Variants in TRIM27 observed in about 807,000 individuals in gnomAD.
The protein encoded by TRIM27 is tripartite motif containing 27.
A neutral mutation model predicts 57.6 loss-of-function variants in TRIM27; 12 were observed. The ratio of observed to expected loss-of-function variants is 0.21; its 90% CI spans 0.13 to 0.34. The LOEUF (loss-of-function observed/expected upper bound fraction) is 0.34, where lower values mean the gene tolerates loss of function less well. TRIM27 is among the 10% of genes least tolerant of loss of function. The probability of loss-of-function intolerance (pLI) is 1.00; values close to 1 mark genes in which losing one functional copy is unlikely to be tolerated. For synonymous variants in TRIM27, 266 were observed against 259.0 expected (o/e 1.03, Z -0.26); for missense variants, 403 against 656.8 (o/e 0.61, Z 4.22).
At chr6:28,918,383 C>T (rs1003420289) in intron 3 of TRIM27, among the ~76,000 whole-genome samples, 4 of 152,168 alleles carry the variant, frequency 2.6e-5, no homozygotes, top group Admixed American at 2.0e-4. Context: ...TAATGTGGCT[C>T]CTGCCCCAAT....
chr6:28,921,197 A>G (rs1297812740), intron 2 of TRIM27, among the ~76,000 whole-genome samples: 4 of 152,118 alleles, frequency 2.6e-5, no homozygotes, highest in Non-Finnish European at 5.9e-5. Flanking sequence ...CCTAACCAAC[A>G]TGGAGAAACA....
At chr6:28,911,245 A>G (rs1773184634) in intron 4 of TRIM27, 1 of 153,406 alleles carries the variant, frequency 6.5e-6, no homozygotes, top group African/African-American at 2.4e-5. Flanking sequence ...AAATAGCAAG[A>G]GTAAGAATAA....
chr6:28,923,099 T>G (rs1456705310), intron 1 of TRIM27, 114 bp downstream of exon 1: 1 of 1,220,284 alleles, frequency 8.2e-7, no homozygotes, highest in Non-Finnish European at 1.1e-6. Flanking sequence ...AAATGACGGC[T>G]GTGAACCACA....
At chr6:28,913,081 C>A (rs1309479253) in intron 3 of TRIM27, among the ~76,000 whole-genome samples, 1 of 151,814 alleles carries the variant, frequency 6.6e-6, no homozygotes, top group African/African-American at 2.4e-5. Context: ...CATGGAGAAA[C>A]CCCGTCTCTA....
At chr6:28,921,848 G>A in intron 2 of TRIM27, 44 bp downstream of exon 2, 1 of 1,471,142 alleles carries the variant, frequency 6.8e-7, no homozygotes, top group Non-Finnish European at 9.5e-7. Context: ...CTACAGAAGA[G>A]GAGAGCACCA....
Position 28,909,008 on chromosome 6 carries a change from C to T in TRIM27, c.851G>A (p.Cys284Tyr). 1 of 1,614,016 alleles carries T rather than the reference C, an allele frequency of 6.2e-7. No individual in the cohort carries two copies. ...QEKIHIFAQKCLFLTESLKQF... is the reference protein window; with the variant it reads ...QEKIHIFAQKYLFLTESLKQF... ...CTTTAGACTCTCCGTCAAGAATAGA[C>T]ATTTTTGGGCAAAAATGTGGATTTT... The change falls in exon 5 of 8, where the codon TGT becomes TAT. Residue 284 changes from cysteine (C) to tyrosine (Y), a missense_variant. Cys to Tyr is a radical substitution (Grantham distance 194). Coordinates refer to ENST00000377199, the MANE Select transcript of TRIM27 (RefSeq NM_006510.5).
At chr6:28,905,420 T>A (rs1004122591) in intron 7 of TRIM27, 4 of 152,230 alleles carry the variant, frequency 2.6e-5, no homozygotes, top group African/African-American at 9.7e-5. Context: ...CAGGTTTTGA[T>A]GCTATAATTA....
intron 4 of TRIM27, among the ~76,000 whole-genome samples, chr6:28,910,134 A>C (rs2150467513): frequency 1.3e-5 from 2 of 151,644 alleles, no homozygotes; most frequent in Non-Finnish European, 2.9e-5. Context: ...AAAAAAAAAA[A>C]AAAAAAAAAA....
Position 28,923,402 on chromosome 6 carries a change from C to G in TRIM27, c.231G>C (p.Leu77=), listed in dbSNP as rs368520983. 6.2e-6 allele frequency: 10 copies of G among 1,612,338 alleles called. No individual in the cohort carries two copies. The Admixed American group carries it at 8.3e-5, about 13-fold the overall frequency. ...GCCGCTCGGTGCGCAGCTGCTTTAC[C>G]AGTTGGGTCACGTTGGCCAGGTGCC... ...PNRHLANVTQ[L]VKQLRTERPS... The change falls in exon 1 of 8, where the codon CTG becomes CTC. Residue 77 remains leucine, a synonymous_variant. Transcript: ENST00000377199.
chr6:28,914,528 T>C (rs371446192), intron 3 of TRIM27, among the ~76,000 whole-genome samples: 23 of 140,120 alleles, frequency 1.6e-4, no homozygotes, highest in East Asian at 4.3e-4. Flanking sequence ...GACTGTCAAT[T>C]TGTCTAGATC....
In TRIM27 at chr6:28,909,020, A is replaced by C; in HGVS notation, c.839T>G (p.Phe280Cys). 6.2e-7 allele frequency: 1 copy of C among 1,614,168 alleles called. No homozygotes were observed. Among genetic ancestry groups the C allele is most frequent in the Non-Finnish European group, 8.5e-7 (1 of 1,180,030 alleles). The change falls in exon 5 of 8, where the codon TTT (phenylalanine) becomes TGT (cysteine). Residue 280 changes from phenylalanine (F) to cysteine (C), a missense_variant. Coordinates refer to ENST00000377199, the MANE Select transcript of TRIM27 (RefSeq NM_006510.5). Reference protein sequence around the residue: ...PPDLQEKIHIFAQKCLFLTES... With the variant: ...PPDLQEKIHICAQKCLFLTES... ...CGTCAAGAATAGACATTTTTGGGCA[A>C]AAATGTGGATTTTCTCTTGCAAATC...
At position 28,904,863 on chromosome 6, in the gene TRIM27, C is replaced by T. The variant is rs1772647337; in HGVS notation, c.947-198G>A. 4 of 567,790 alleles carry T rather than the reference C, an allele frequency of 7.0e-6. No individual in the cohort carries two copies. The highest frequency in any genetic ancestry group is 3.1e-5 in the Admixed American group (1 of 32,680). The allele number at this position is 567,790 out of a possible 1,614,324, so 35.2% of individuals were successfully genotyped here. A position where few individuals can be genotyped will look rare whatever the true frequency, so the allele number is the denominator to read the frequency against. On this transcript the variant is annotated intron_variant, in intron 7 of 7. Coordinates refer to ENST00000377199, the MANE Select transcript of TRIM27 (RefSeq NM_006510.5). The surrounding 1 kb of genome is among the most constrained non-coding windows in gnomAD (Gnocchi z 6.1). Reference sequence around the variant, plus strand: ...TGGTTACCAGAATACTCTGAAAATACAGAATTTTAGCCCCGTATCTTTTCT... The same window carrying T: ...TGGTTACCAGAATACTCTGAAAATATAGAATTTTAGCCCCGTATCTTTTCT...
At chr6:28,905,613 G>C (rs558931113) in intron 7 of TRIM27, 3 of 152,510 alleles carry the variant, frequency 2.0e-5, no homozygotes, top group Non-Finnish European at 4.4e-5. Context: ...CTGTAGTACA[G>C]TGGCATAATC....
intron 3 of TRIM27, among the ~76,000 whole-genome samples, chr6:28,914,609 T>G (rs1773471507): frequency 7.0e-6 from 1 of 143,164 alleles, no homozygotes; most frequent in African/African-American, 2.6e-5. Context: ...GGATAACAGA[T>G]TACTTAATGG....
At chr6:28,907,941 C>T in intron 6 of TRIM27, 1 of 185,898 alleles carries the variant, frequency 5.4e-6, no homozygotes, top group South Asian at 1.7e-4. Flanking sequence ...ATATATGAAC[C>T]CAGCATATAC....
rs143069990 is a variant in TRIM27 at position 28,903,591 on chromosome 6, T to C, written c.*479A>G. The C allele has an allele frequency of 1.5e-3, 354 of 240,904 alleles. 5 individuals are homozygous for C. The highest frequency in any genetic ancestry group is 6.9e-3 in the African/African-American group (315 of 45,638). The allele number at this position is 240,904 out of a possible 1,614,324, so 14.9% of individuals were successfully genotyped here. ...TTGGGAATCAGGGGCAGAGGTACTG[T>C]TCCCAGACGGAAAACTGGGATAAAG... On this transcript the variant is annotated 3_prime_UTR_variant, in exon 8 of 8. Coordinates refer to ENST00000377199, the MANE Select transcript of TRIM27 (RefSeq NM_006510.5).
intron 4 of TRIM27, among the ~76,000 whole-genome samples, chr6:28,910,583 G>A (rs772526066): frequency 1.3e-5 from 2 of 152,034 alleles, no homozygotes; most frequent in Non-Finnish European, 2.9e-5. Context: ...ACCTGACTTG[G>A]CCTCCCAAAA....
intron 2 of TRIM27, among the ~76,000 whole-genome samples, chr6:28,920,607 T>A (rs1195793121): frequency 6.6e-6 from 1 of 152,136 alleles, no homozygotes; most frequent in Non-Finnish European, 1.5e-5. Flanking sequence ...ATTCACCACA[T>A]AGGCAATGAG....
chr6:28,919,055 C>T (rs1773832363), intron 3 of TRIM27, among the ~76,000 whole-genome samples: 1 of 151,012 alleles, frequency 6.6e-6, no homozygotes, highest in Non-Finnish European at 1.5e-5. Context: ...GCTCTGTTGC[C>T]CAGGCTGGAG....
Sources: allele counts gnomAD v4.1 joint callset (sites outside exome capture counted in the v4.1 genomes callset), GRCh38; gene constraint gnomAD v4.1.1; non-coding constraint Gnocchi (gnomAD v3.1); transcripts MANE v1.5; gene names NCBI Gene and HGNC (gene_info 2026-07-23, HGNC 2026-07-21).